The following RBFOX1 variants were observed in gnomAD, a reference collection of about 807,000 sequenced individuals.
The protein encoded by RBFOX1 is RNA binding fox-1 homolog 1, also known as RNA binding protein fox-1 homolog 1.
A neutral mutation model predicts 57.7 loss-of-function variants in RBFOX1; 8 were observed. The ratio of observed to expected loss-of-function variants is 0.14; its 90% CI spans 0.08 to 0.25. The LOEUF (loss-of-function observed/expected upper bound fraction) is 0.25. Ranked by LOEUF, RBFOX1 falls within the 10% of genes least tolerant of loss-of-function variation. The pLI is 1.00. For synonymous variants in RBFOX1, 326 were observed against 222.4 expected (o/e 1.47, Z -4.15); for missense variants, 611 against 548.5 (o/e 1.11, Z -1.14).
At chr16:6,416,143 A>G (rs1239207207) in intron 2 of RBFOX1, among the ~76,000 whole-genome samples, 1 of 152,202 alleles carries the variant, frequency 6.6e-6, no homozygotes, top group Admixed American at 6.5e-5. Flanking sequence ...TTTTTGGAAC[A>G]TGGTGCAGCA....
intron 3 of RBFOX1, among the ~76,000 whole-genome samples, chr16:5,670,084 A>C (rs899776270): frequency 6.6e-6 from 1 of 152,212 alleles, no homozygotes; most frequent in Admixed American, 6.5e-5. Context: ...CAGACACAAA[A>C]GGTCACAGAC....
chr16:7,098,688 G>A (rs887692571), intron 4 of RBFOX1, among the ~76,000 whole-genome samples: 2 of 152,108 alleles, frequency 1.3e-5, no homozygotes, highest in Admixed American at 6.5e-5. Context: ...GGTGGCTCAT[G>A]CCTGTAATCC....
intron 4 of RBFOX1, among the ~76,000 whole-genome samples, chr16:7,055,889 CAT>C (rs565901617): frequency 6.8e-4 from 104 of 152,228 alleles, no homozygotes; most frequent in Admixed American, 3.7e-3. Context: ...TTTCATCCTA[CAT>C]GTGTGGGCTC....
chr16:7,310,162 C>G (rs1187172406), intron 4 of RBFOX1, among the ~76,000 whole-genome samples: 2 of 152,188 alleles, frequency 1.3e-5, no homozygotes, highest in African/African-American at 4.8e-5. Context: ...TACAGGTGAG[C>G]TAGCCAAATG....
chr16:7,688,879 A>T (rs2076717777), intron 14 of RBFOX1, among the ~76,000 whole-genome samples: 1 of 152,038 alleles, frequency 6.6e-6, no homozygotes, highest in Admixed American at 6.6e-5. Flanking sequence ...GGAAATGAAG[A>T]TTCAGAATGT....
intron 2 of RBFOX1, among the ~76,000 whole-genome samples, chr16:5,568,123 T>A (rs1209718491): frequency 6.6e-6 from 1 of 152,206 alleles, no homozygotes; most frequent in Non-Finnish European, 1.5e-5. Flanking sequence ...TGCTAAACAA[T>A]GAGATCTGAA....
intron 1 of RBFOX1, among the ~76,000 whole-genome samples, chr16:6,085,494 C>G (rs964530710): frequency 3.9e-5 from 6 of 152,196 alleles, no homozygotes; most frequent in African/African-American, 1.4e-4. Context: ...TGGTCTCGAA[C>G]TCCCGACTTC....
At chr16:7,014,908 C>T (rs940698389) in intron 3 of RBFOX1, among the ~76,000 whole-genome samples, 1 of 151,822 alleles carries the variant, frequency 6.6e-6, no homozygotes, top group African/African-American at 2.4e-5. Flanking sequence ...TGTATTTTTA[C>T]TAGAGGCACT....
intron 3 of RBFOX1, among the ~76,000 whole-genome samples, chr16:5,791,451 A>G (rs2054694144): frequency 6.6e-6 from 1 of 152,090 alleles, no homozygotes; most frequent in Non-Finnish European, 1.5e-5. Flanking sequence ...TACTAATATT[A>G]TCCCCCTGGG....
At chr16:7,560,197 T>C (rs986672487) in intron 5 of RBFOX1, among the ~76,000 whole-genome samples, 2 of 152,174 alleles carry the variant, frequency 1.3e-5, no homozygotes, top group Admixed American at 6.5e-5. Context: ...CTGTCAACTT[T>C]TCTGGCTGCA....
At chr16:6,696,897 G>A (rs2061134802) in intron 3 of RBFOX1, among the ~76,000 whole-genome samples, 1 of 152,168 alleles carries the variant, frequency 6.6e-6, no homozygotes, top group African/African-American at 2.4e-5. Context: ...TTAAGAAATG[G>A]AGATTGCTGT....
chr16:6,871,211 A>G (rs1050500070), intron 3 of RBFOX1, among the ~76,000 whole-genome samples: 1 of 151,978 alleles, frequency 6.6e-6, no homozygotes. Context: ...TTGGAGATGG[A>G]GTGTTGCTCT....
intron 3 of RBFOX1, among the ~76,000 whole-genome samples, chr16:5,818,931 T>C (rs2055745853): frequency 6.6e-6 from 1 of 152,190 alleles, no homozygotes; most frequent in Non-Finnish European, 1.5e-5. Flanking sequence ...CTCTTTCCCT[T>C]GTTCCATCCT....
chr16:7,248,383 T>G (rs1442791441), intron 4 of RBFOX1, among the ~76,000 whole-genome samples: 1 of 152,202 alleles, frequency 6.6e-6, no homozygotes, highest in Non-Finnish European at 1.5e-5. Flanking sequence ...TATGTGGGTA[T>G]CAGAATACAT....
intron 2 of RBFOX1, among the ~76,000 whole-genome samples, chr16:5,483,449 T>G (rs11646409): frequency 6.6e-6 from 1 of 152,120 alleles, no homozygotes; most frequent in African/African-American, 2.4e-5. Context: ...TGGAAACTGG[T>G]GTTGCCTTGG....
intron 3 of RBFOX1, among the ~76,000 whole-genome samples, chr16:5,860,421 G>T (rs2151885170): frequency 6.6e-6 from 1 of 152,232 alleles, no homozygotes; most frequent in Non-Finnish European, 1.5e-5. Context: ...TTCTGTTTGT[G>T]CCTGTGAAAA....
At chr16:6,857,159 A>G (rs888750468) in intron 3 of RBFOX1, among the ~76,000 whole-genome samples, 6 of 152,144 alleles carry the variant, frequency 3.9e-5, no homozygotes, top group Non-Finnish European at 8.8e-5. Context: ...GAATTTTGTG[A>G]TTTTAAAAAG....
intron 3 of RBFOX1, among the ~76,000 whole-genome samples, chr16:6,807,057 C>A (rs553257423): frequency 1.3e-3 from 200 of 151,784 alleles, no homozygotes; most frequent in Non-Finnish European, 8.5e-4. Context: ...TGGTCTTGAA[C>A]TCCTGACCTC....
At chr16:5,743,846 C>A (rs958226437) in intron 3 of RBFOX1, among the ~76,000 whole-genome samples, 3 of 152,084 alleles carry the variant, frequency 2.0e-5, no homozygotes, top group African/African-American at 4.8e-5. Flanking sequence ...CCCAGCCTTG[C>A]AATGAATTTT....
Sources: allele counts gnomAD v4.1 joint callset (sites outside exome capture counted in the v4.1 genomes callset), GRCh38; gene constraint gnomAD v4.1.1; transcripts MANE v1.5; gene names NCBI Gene and HGNC (gene_info 2026-07-23, HGNC 2026-07-21).